Variants in RFX3 observed in about 807,000 individuals in gnomAD.
RFX3 encodes the protein transcription factor RFX3.
In RFX3, 14 loss-of-function variants were observed where a neutral mutation model predicts 98.6. The observed-to-expected ratio is 0.14, with a 90% CI of 0.09 to 0.22. The LOEUF (loss-of-function observed/expected upper bound fraction) is 0.22. Among genes scored for constraint, RFX3 ranks in the 10% least tolerant of loss-of-function variants. The pLI is 1.00. For missense variants in RFX3, 639 were observed against 926.9 expected (o/e 0.69, Z 4.03); for synonymous variants, 383 against 328.4 (o/e 1.17, Z -1.80).
intron 15 of RFX3, among the ~76,000 whole-genome samples, chr9:3,238,866 G>A (rs1430176433): frequency 3.3e-5 from 5 of 151,892 alleles, no homozygotes; most frequent in Admixed American, 6.6e-5. Flanking sequence ...GGTTGCGCAT[G>A]CCTATAATCC....
chr9:3,471,908 C>T (rs1410472295), intron 1 of RFX3, among the ~76,000 whole-genome samples: 1 of 152,192 alleles, frequency 6.6e-6, no homozygotes, highest in Non-Finnish European at 1.5e-5. Context: ...CAGCTTCTTG[C>T]CCCTTCATTA....
intron 1 of RFX3, among the ~76,000 whole-genome samples, chr9:3,500,985 C>G (rs1424419812): frequency 6.6e-6 from 1 of 152,122 alleles, no homozygotes; most frequent in East Asian, 1.9e-4. Context: ...GTATGGATAT[C>G]TATATTGGCA....
chr9:3,418,728 T>G (rs573410759), intron 1 of RFX3, among the ~76,000 whole-genome samples: 23 of 152,294 alleles, frequency 1.5e-4, no homozygotes, highest in Middle Eastern at 3.4e-3. Context: ...CGTTTTAAAT[T>G]AGGTAACATC....
At chr9:3,233,585 G>T (rs1343679043) in intron 15 of RFX3, among the ~76,000 whole-genome samples, 1 of 152,188 alleles carries the variant, frequency 6.6e-6, no homozygotes, top group Non-Finnish European at 1.5e-5. Context: ...GAAGGAAAGA[G>T]CTCAGGGGAT....
chr9:3,518,102 G>C (rs762433311), intron 1 of RFX3, among the ~76,000 whole-genome samples: 1 of 152,176 alleles, frequency 6.6e-6, no homozygotes, highest in African/African-American at 2.4e-5. Context: ...TTATAGACGA[G>C]AACAATATGC....
intron 1 of RFX3, among the ~76,000 whole-genome samples, chr9:3,429,900 G>A (rs767359418): frequency 6.6e-6 from 1 of 152,162 alleles, no homozygotes; most frequent in Non-Finnish European, 1.5e-5. Flanking sequence ...TTCTGTCTAA[G>A]CAGTGGCTTC....
chr9:3,355,816 T>C, intron 2 of RFX3, among the ~76,000 whole-genome samples: 1 of 151,810 alleles, frequency 6.6e-6, no homozygotes, highest in East Asian at 1.9e-4. Flanking sequence ...TTTAAAAGTA[T>C]TAAAACAATA....
chr9:3,424,705 T>C (rs918630498), intron 1 of RFX3, among the ~76,000 whole-genome samples: 4 of 152,074 alleles, frequency 2.6e-5, no homozygotes, highest in Non-Finnish European at 4.4e-5. Context: ...ATGTATTCAG[T>C]TTTTATAATA....
Position 3,366,674 on chromosome 9 carries a change from C to T in RFX3, c.118-19910G>A, listed in dbSNP as rs559959252. Among the ~76,000 whole-genome samples, 79 of 130,736 alleles carry T rather than the reference C, an allele frequency of 6.0e-4. 1 individual carries two copies. The highest frequency in any genetic ancestry group is 2.2e-3 in the African/African-American group (74 of 34,032). The allele number at this position is 130,736 out of a possible 152,430, so 85.8% of individuals were successfully genotyped here. ...TTCCTTTCCTTTTCTTTCTCTTTCT[C>T]TTTCTTTCTTCTTTCTTTCCTTTCT... On this transcript the variant is annotated intron_variant, in intron 2 of 16. Coordinates refer to ENST00000617270, the MANE Select transcript of RFX3 (RefSeq NM_001282116.2).
chr9:3,310,805 C>A (rs187273412), intron 4 of RFX3, among the ~76,000 whole-genome samples: 3 of 152,044 alleles, frequency 2.0e-5, no homozygotes, highest in Admixed American at 2.0e-4. Context: ...CCATCATATA[C>A]AAATATAAAA....
chr9:3,248,290 T>C, intron 14 of RFX3, 105 bp from the exon 15 acceptor site: 14 of 1,388,486 alleles, frequency 1.0e-5, no homozygotes, highest in Non-Finnish European at 1.2e-5. Context: ...GTCTATATGG[T>C]TGGTATAGTA....
Position 3,277,443 on chromosome 9 carries a change from T to C in RFX3, c.870A>G (p.Lys290=). The C allele has an allele frequency of 2.5e-6, 4 of 1,612,444 alleles. No homozygotes were observed. Among genetic ancestry groups the C allele is most frequent in the Non-Finnish European group, 3.4e-6 (4 of 1,178,724 alleles). Residue 290 remains lysine, a synonymous_variant, in exon 8 of 17, where the codon AAA becomes AAG. Transcript: ENST00000617270. ...TGAAACCATCTGCAACCCCATCCACTTTCTGCATAGGCTTGTACCTAAAAA... is the reference window on the plus strand; with the variant it reads ...TGAAACCATCTGCAACCCCATCCACCTTCTGCATAGGCTTGTACCTAAAAA... ...QQKQRYKPMQ[K]VDGVADGFTG... is the part of the protein sequence containing the mutation.
chr9:3,326,777 C>T (rs944869781), intron 4 of RFX3, among the ~76,000 whole-genome samples: 11 of 152,148 alleles, frequency 7.2e-5, no homozygotes, highest in Admixed American at 2.6e-4. Flanking sequence ...AGGACTGGAG[C>T]AGAAAACTTT....
chr9:3,485,425 T>C (rs1850176075), intron 1 of RFX3, among the ~76,000 whole-genome samples: 1 of 152,214 alleles, frequency 6.6e-6, no homozygotes, highest in Admixed American at 6.5e-5. Context: ...ATTGAATTAG[T>C]AAGTGAGTGA....
At chr9:3,390,647 C>T (rs1341308452) in intron 2 of RFX3, among the ~76,000 whole-genome samples, 1 of 152,136 alleles carries the variant, frequency 6.6e-6, no homozygotes, top group Non-Finnish European at 1.5e-5. Flanking sequence ...CTGTGCTGGT[C>T]TCGTGATAGT....
At chr9:3,271,533 CTCTCTTTCTCTT>C (rs1824450089) in intron 9 of RFX3, among the ~76,000 whole-genome samples, 1 of 9,506 alleles carries the variant, frequency 1.1e-4, no homozygotes, top group South Asian at 0.014. Flanking sequence ...TTCTTTCTTT[CTCTCTTTCTCTT>C]TCTCTCTTTC....
At chr9:3,240,288 G>A (rs779387434) in intron 15 of RFX3, among the ~76,000 whole-genome samples, 3 of 152,180 alleles carry the variant, frequency 2.0e-5, no homozygotes, top group East Asian at 3.9e-4. Flanking sequence ...CCTGGGCCCT[G>A]TAAATTGCAG....
intron 1 of RFX3, among the ~76,000 whole-genome samples, chr9:3,412,982 C>T (rs1223957187): frequency 6.6e-6 from 1 of 151,950 alleles, no homozygotes; most frequent in Non-Finnish European, 1.5e-5. Context: ...TATATTGAGT[C>T]TAAAAATCAC....
intron 1 of RFX3, among the ~76,000 whole-genome samples, chr9:3,403,121 G>C (rs1722951921): frequency 6.6e-6 from 1 of 151,944 alleles, no homozygotes; most frequent in African/African-American, 2.4e-5. Flanking sequence ...AAAATATATT[G>C]AGCTGATTGC....
Sources: gnomAD v4.1 joint callset for allele counts (sites outside exome capture counted in the v4.1 genomes callset) on GRCh38, gnomAD v4.1.1 for gene constraint, MANE v1.5 for transcripts, NCBI Gene and HGNC (gene_info 2026-07-23, HGNC 2026-07-21) for gene names.